ERICH6B: variants seen among roughly 807,000 people sequenced by gnomAD.
The protein encoded by ERICH6B is glutamate-rich protein 6B.
A neutral mutation model predicts 80.0 loss-of-function variants in ERICH6B; 69 were observed. The ratio of observed to expected loss-of-function variants is 0.86; its 90% CI spans 0.71 to 1.05. The LOEUF (loss-of-function observed/expected upper bound fraction) is 1.05, where lower values mean the gene tolerates loss of function less well. Ranked by LOEUF, ERICH6B falls within the 50% of genes least tolerant of loss-of-function variation. The pLI is 0.00. For missense variants in ERICH6B, 754 were observed against 796.1 expected, an observed-to-expected ratio of 0.95 and a Z score of 0.64; for synonymous variants, 283 against 291.9, an observed-to-expected ratio of 0.97 and a Z score of 0.31.
intron 1 of ERICH6B, among the ~76,000 whole-genome samples, chr13:45,609,437 C>T (rs1949887222): frequency 6.6e-6 from 1 of 152,218 alleles, no homozygotes; most frequent in Admixed American, 6.5e-5. Context: ...CTAAAACTGC[C>T]ACCCCTGACC....
chr13:45,582,681 C>G (rs1446153769), intron 5 of ERICH6B, among the ~76,000 whole-genome samples: 3 of 152,196 alleles, frequency 2.0e-5, no homozygotes, highest in Non-Finnish European at 4.4e-5. Context: ...TGACTCTGAT[C>G]TATGAAACAG....
At chr13:45,556,691 G>C (rs1874453925) in intron 11 of ERICH6B, among the ~76,000 whole-genome samples, 1 of 152,010 alleles carries the variant, frequency 6.6e-6, no homozygotes, top group African/African-American at 2.4e-5. Flanking sequence ...TAGAATAATA[G>C]TCTCCAATCC....
At chr13:45,596,231 G>T in intron 3 of ERICH6B, 138 bp downstream of exon 3, 1 of 1,146,072 alleles carries the variant, frequency 8.7e-7, no homozygotes, top group Non-Finnish European at 1.2e-6. Flanking sequence ...TGGGCATCCT[G>T]GTAAACTAGA....
intron 2 of ERICH6B, among the ~76,000 whole-genome samples, chr13:45,607,057 G>T (rs1207969448): frequency 6.6e-6 from 1 of 152,050 alleles, no homozygotes; most frequent in East Asian, 1.9e-4. Flanking sequence ...AACCCCAGAG[G>T]GCTCTGGGGA....
intron 13 of ERICH6B, 109 bp from the exon 14 acceptor site, chr13:45,545,094 A>G (rs1873941563): frequency 1.1e-6 from 1 of 933,760 alleles, no homozygotes; most frequent in East Asian, 2.6e-5. Context: ...AAAGACTGAC[A>G]GGGACTTGAT....
chr13:45,591,871 T>C (rs1447943799), intron 3 of ERICH6B, among the ~76,000 whole-genome samples: 1 of 152,228 alleles, frequency 6.6e-6, no homozygotes, highest in African/African-American at 2.4e-5. Flanking sequence ...TACTTTTTAC[T>C]GTTCAAATTT....
At chr13:45,570,099 C>T (rs1022877803) in intron 8 of ERICH6B, among the ~76,000 whole-genome samples, 2 of 152,204 alleles carry the variant, frequency 1.3e-5, no homozygotes, top group Non-Finnish European at 2.9e-5. Context: ...TCTATGCAGC[C>T]AGCATATGTG....
At chr13:45,613,267 C>T (rs1247561065) in intron 1 of ERICH6B, among the ~76,000 whole-genome samples, 1 of 152,114 alleles carries the variant, frequency 6.6e-6, no homozygotes, top group African/African-American at 2.4e-5. Flanking sequence ...GGGAACTGTA[C>T]CTGAATCTCT....
At chr13:45,591,478 C>T (rs1289344941) in intron 3 of ERICH6B, among the ~76,000 whole-genome samples, 1 of 152,082 alleles carries the variant, frequency 6.6e-6, no homozygotes, top group Non-Finnish European at 1.5e-5. Flanking sequence ...CGCCTGTAGT[C>T]CCAGCTACTC....
chr13:45,580,158 A>G (rs1046246867), intron 6 of ERICH6B, among the ~76,000 whole-genome samples, 184 bp from the exon 7 acceptor site: 1 of 152,158 alleles, frequency 6.6e-6, no homozygotes, highest in African/African-American at 2.4e-5. Context: ...CCCGCAGAAC[A>G]TGCTCACCGA....
intron 11 of ERICH6B, among the ~76,000 whole-genome samples, chr13:45,556,472 A>G (rs1189452640): frequency 6.6e-6 from 1 of 152,022 alleles, no homozygotes; most frequent in Non-Finnish European, 1.5e-5. Context: ...TTCAGTGGTT[A>G]TTTGTGAGAT....
In ERICH6B at chr13:45,561,388, C is replaced by T. The variant is rs865983751; in HGVS notation, c.1388G>A (p.Trp463Ter). 6.4e-7 allele frequency: 1 copy of T among 1,552,310 alleles called. No homozygotes were observed. The highest frequency in any genetic ancestry group is 8.7e-7 in the Non-Finnish European group (1 of 1,147,120). The change falls in exon 11 of 15, where the codon TGG (tryptophan) becomes TAG (stop). Residue 463 changes from tryptophan to a stop codon, truncating the protein, a stop_gained. Transcript: ENST00000298738. LOFTEE classifies it high-confidence loss of function. ...TCTTACCACTGTCTTCTTCTGTATC[C>T]ATTCCTTATCTCGTTCTAATTTCTT... ...HRKKLERDKE[W>*]IQKKTVVHQG...
At chr13:45,554,046 G>A (rs1295733168) in intron 11 of ERICH6B, among the ~76,000 whole-genome samples, 1 of 152,016 alleles carries the variant, frequency 6.6e-6, no homozygotes, top group Non-Finnish European at 1.5e-5. Flanking sequence ...TATAATATTA[G>A]CTTTAGTCCC....
At chr13:45,608,780 C>T (rs775060531) in intron 1 of ERICH6B, among the ~76,000 whole-genome samples, 3 of 152,138 alleles carry the variant, frequency 2.0e-5, no homozygotes, top group Non-Finnish European at 4.4e-5. Context: ...TTAAGTTATT[C>T]GGATGTAACG....
At chr13:45,544,702 G>A (rs967151024) in intron 14 of ERICH6B, 58 bp downstream of exon 14, 17 of 1,445,726 alleles carry the variant, frequency 1.2e-5, no homozygotes, top group East Asian at 2.5e-5. Context: ...AGCCAGCAGT[G>A]GCCTTTGTAC....
intron 11 of ERICH6B, among the ~76,000 whole-genome samples, chr13:45,550,583 C>T (rs148690199): frequency 6.6e-6 from 1 of 152,292 alleles, no homozygotes; most frequent in East Asian, 1.9e-4. Flanking sequence ...GATGCTTGAA[C>T]AAAGTCTCAC....
chr13:45,590,679 G>A lies in ERICH6B; in HGVS notation c.656C>T (p.Ser219Leu). Reference protein sequence around the residue: ...KYLKEPKASYSSQTMLLRDAR... With the variant: ...KYLKEPKASYLSQTMLLRDAR... ...ATCACGAAGAAGCATGGTTTGTGAT[G>A]AATAACTTGCCTTGGGTTCTATTGG... Residue 219 changes from serine (S) to leucine (L), a missense_variant, in exon 4 of 15, where the codon TCA becomes TTA. Coordinates refer to ENST00000298738, the MANE Select transcript of ERICH6B (RefSeq NM_182542.3). 1 of 1,551,448 alleles carries A rather than the reference G, an allele frequency of 6.4e-7. No individual in the cohort carries two copies. The highest frequency in any genetic ancestry group is 1.2e-5 in the South Asian group (1 of 83,824).
intron 8 of ERICH6B, among the ~76,000 whole-genome samples, chr13:45,571,438 G>C (rs899024427): frequency 4.6e-5 from 7 of 151,906 alleles, no homozygotes; most frequent in African/African-American, 1.7e-4. Flanking sequence ...AACCAAGAAA[G>C]CTCCTAGGCT....
intron 3 of ERICH6B, among the ~76,000 whole-genome samples, chr13:45,594,726 T>C (rs1454205221): frequency 6.6e-6 from 1 of 152,194 alleles, no homozygotes; most frequent in African/African-American, 2.4e-5. Context: ...GGATGTAGGT[T>C]GTGTGTAATC....
Sources: allele counts gnomAD v4.1 joint callset (sites outside exome capture counted in the v4.1 genomes callset), GRCh38; gene constraint gnomAD v4.1.1; transcripts MANE v1.5; gene names NCBI Gene and HGNC (gene_info 2026-07-23, HGNC 2026-07-21).